TNRC18: variants seen among roughly 807,000 people sequenced by gnomAD.
The protein encoded by TNRC18 is trinucleotide repeat containing 18, also known as trinucleotide repeat-containing gene 18 protein.
TNRC18 carries 69 observed loss-of-function variants against 226.7 expected under a neutral mutation model. The ratio of observed to expected loss-of-function variants is 0.30; its 90% confidence interval spans 0.25 to 0.37. TNRC18 has a LOEUF of 0.37. Among genes scored for constraint, TNRC18 ranks in the 10% least tolerant of loss-of-function variants. The pLI is 1.00. For synonymous variants in TNRC18, 2,449 were observed against 1,927.6 expected, an observed-to-expected ratio of 1.27 and a Z score of -7.09; for missense variants, 4,754 against 4,256.6, an observed-to-expected ratio of 1.12 and a Z score of -3.25.
At position 5,312,418 on chromosome 7, in the gene TNRC18, G is replaced by A. The variant is rs1249787046; in HGVS notation, c.8388+85C>T. On this transcript the variant is annotated intron_variant, in intron 27 of 29. Coordinates refer to ENST00000430969, the MANE Select transcript of TNRC18 (RefSeq NM_001080495.3). The surrounding 1 kb of genome is among the most constrained non-coding windows in gnomAD (Gnocchi z 6.3). ...GGGGTTCTGGGAGGTTACCACACAC[G>A]GAGACACAGCATGAAGCCGTGGGCC... 7 of 1,519,974 alleles carry A rather than the reference G, an allele frequency of 4.6e-6. No individual in the cohort carries two copies. The East Asian group carries it at 7.1e-5, about 15-fold the overall frequency. 94.2% of individuals were successfully genotyped at this position (1,519,974 alleles called of 1,614,324 possible). A position where few individuals can be genotyped will look rare whatever the true frequency, so the allele number is the denominator to read the frequency against.
At position 5,321,336 on chromosome 7, in the gene TNRC18, G is replaced by A. The variant is rs181418545; in HGVS notation, c.6443-146C>T. The A allele has an allele frequency of 4.4e-3, 2,634 of 598,326 alleles. 14 individuals carry two copies. Among genetic ancestry groups the A allele is most frequent in the Non-Finnish European group, 4.8e-3 (1,600 of 332,824 alleles). 37.1% of individuals were successfully genotyped at this position (598,326 alleles called of 1,614,324 possible). The stretch of plus-strand genomic sequence containing the variant: ...GGGGCTGAGACGTGTGCACTTCTTC[G>A]TCTGCCTGTGTGTGTACCCGTGCAG... On this transcript the variant is annotated intron_variant, in intron 21 of 29. Coordinates refer to ENST00000430969, the MANE Select transcript of TNRC18 (RefSeq NM_001080495.3).
chr7:5,313,907 G>T (rs1260373859), intron 26 of TNRC18, 44 bp from the exon 27 acceptor site: 3 of 1,424,080 alleles, frequency 2.1e-6, no homozygotes, highest in Non-Finnish European at 2.7e-6. Context: ...GGGCTTCCTG[G>T]CAGAGATGAG....
Position 5,362,036 on chromosome 7 carries a change from G to T in TNRC18, c.4396-3C>A, listed in dbSNP as rs1230861269. ...AGGGAGGACTTCATGGCATACATCT[G>T]GGGGAAGAACCGGGAGAGGAGGAGG... On this transcript the variant is annotated splice_region_variant and splice_polypyrimidine_tract_variant and intron_variant, in intron 12 of 29. Transcript: ENST00000430969. 6.2e-7 allele frequency: 1 copy of T among 1,612,248 alleles called. No homozygotes were observed. The highest frequency in any genetic ancestry group is 8.5e-7 in the Non-Finnish European group (1 of 1,179,170).
intron 2 of TNRC18, among the ~76,000 whole-genome samples, chr7:5,408,416 G>A (rs1253463588): frequency 2.6e-5 from 4 of 152,198 alleles, no homozygotes; most frequent in Admixed American, 2.0e-4. Context: ...GGGAGCCCAC[G>A]GCGGGTAGAT....
intron 11 of TNRC18, among the ~76,000 whole-genome samples, chr7:5,365,415 C>A (rs997456424): frequency 6.6e-6 from 1 of 151,888 alleles, no homozygotes; most frequent in East Asian, 1.9e-4. Flanking sequence ...GTCCGGCCTC[C>A]TATCTTTTTG....
intron 24 of TNRC18, among the ~76,000 whole-genome samples, chr7:5,318,804 G>A (rs943061208): frequency 6.6e-6 from 1 of 152,128 alleles, no homozygotes; most frequent in Non-Finnish European, 1.5e-5. Flanking sequence ...TTTATACCCA[G>A]CTCAACTATC....
In TNRC18 at chr7:5,388,834, G is replaced by C; in HGVS notation, c.990C>G (p.Pro330=). ...RTETLLPGPR[P]CPSPLPPPPA... is the part of the protein sequence containing the mutation. The stretch of plus-strand genomic sequence containing the variant: ...GCGGCGGGGGCAGCGGTGAGGGGCA[G>C]GGGCGCGGCCCAGGGAGCAGGGTCT... The change falls in exon 5 of 30, where the codon CCC becomes CCG. Residue 330 remains proline (P), a synonymous_variant. Coordinates refer to ENST00000430969, the MANE Select transcript of TNRC18 (RefSeq NM_001080495.3). 4.2e-6 allele frequency: 5 copies of C among 1,204,190 alleles called. No individual in the cohort carries two copies. Among genetic ancestry groups the C allele is most frequent in the Non-Finnish European group, 5.2e-6 (5 of 968,216 alleles). 74.6% of individuals were successfully genotyped at this position (1,204,190 alleles called of 1,614,324 possible).
At position 5,306,974 on chromosome 7, in the gene TNRC18, G is replaced by C. The variant is rs1043653095; in HGVS notation, c.*1132C>G. ...GGTTGAGGCCTTGGTTTCCCTTGAA[G>C]GCTTGGGGCCTGGTTAAGTGCTTTC... On this transcript the variant is annotated 3_prime_UTR_variant, in exon 30 of 30. Transcript: ENST00000430969. 2 of 151,484 alleles carry C rather than the reference G, an allele frequency of 1.3e-5. No individual in the cohort carries two copies. The highest frequency in any genetic ancestry group is 4.8e-5 in the African/African-American group (2 of 41,328). 9.4% of individuals were successfully genotyped at this position (151,484 alleles called of 1,614,324 possible).
intron 2 of TNRC18, among the ~76,000 whole-genome samples, chr7:5,417,998 G>A (rs1433837744): frequency 1.3e-5 from 2 of 152,124 alleles, no homozygotes; most frequent in African/African-American, 2.4e-5. Flanking sequence ...AGCCTCCAGT[G>A]TTAGCCAAGC....
At chr7:5,323,916 T>C (rs1484709254) in intron 21 of TNRC18, among the ~76,000 whole-genome samples, 2 of 152,160 alleles carry the variant, frequency 1.3e-5, no homozygotes, top group Admixed American at 6.6e-5. Flanking sequence ...TCCCCACATC[T>C]AACCTCAGAA....
intron 10 of TNRC18, among the ~76,000 whole-genome samples, chr7:5,373,015 G>A (rs55910230): frequency 0.14 from 20,775 of 151,974 alleles, 1,779 homozygotes; most frequent in East Asian, 0.2. Context: ...AAAATTAGCC[G>A]GGCATGGTGG....
At chr7:5,363,990 C>T (rs1793351879) in intron 11 of TNRC18, among the ~76,000 whole-genome samples, 1 of 152,070 alleles carries the variant, frequency 6.6e-6, no homozygotes, top group East Asian at 1.9e-4. Context: ...ACGACATCCA[C>T]GGGCATCCTT....
chr7:5,373,850 G>A (rs1388841500), intron 10 of TNRC18, among the ~76,000 whole-genome samples: 1 of 152,138 alleles, frequency 6.6e-6, no homozygotes, highest in Non-Finnish European at 1.5e-5. Context: ...CCCTGACACT[G>A]CCGCTGAGGA....
At chr7:5,380,990 T>C (rs1779357521) in intron 5 of TNRC18, among the ~76,000 whole-genome samples, 1 of 152,134 alleles carries the variant, frequency 6.6e-6, no homozygotes, top group South Asian at 2.1e-4. Flanking sequence ...GGCAGGCACT[T>C]AGAGTGCAGC....
At chr7:5,351,190 G>C (rs937980768) in intron 17 of TNRC18, among the ~76,000 whole-genome samples, 9 of 152,040 alleles carry the variant, frequency 5.9e-5, no homozygotes, top group African/African-American at 1.9e-4. Context: ...TTCTGGGTGG[G>C]GAGGAGGGAG....
intron 18 of TNRC18, among the ~76,000 whole-genome samples, chr7:5,340,076 G>C (rs189029859): frequency 6.6e-6 from 1 of 152,068 alleles, no homozygotes; most frequent in Non-Finnish European, 1.5e-5. Flanking sequence ...ACTTTAAATC[G>C]AAAGCTAGAA....
intron 2 of TNRC18, among the ~76,000 whole-genome samples, chr7:5,401,538 C>G (rs1781091673): frequency 6.6e-6 from 1 of 152,200 alleles, no homozygotes; most frequent in Non-Finnish European, 1.5e-5. Context: ...CACCTGTTAT[C>G]ACAGGTGTTA....
intron 18 of TNRC18, among the ~76,000 whole-genome samples, chr7:5,333,287 C>A: frequency 6.6e-6 from 1 of 152,228 alleles, no homozygotes; most frequent in East Asian, 1.9e-4. Flanking sequence ...GCCCCTTGCC[C>A]CATGGGAAGA....
intron 16 of TNRC18, among the ~76,000 whole-genome samples, chr7:5,356,638 G>A (rs1451633525): frequency 1.3e-5 from 2 of 152,184 alleles, no homozygotes; most frequent in Non-Finnish European, 2.9e-5. Context: ...CAGGGCCGGC[G>A]GAGGTCGGCT....
Sources: allele counts gnomAD v4.1 joint callset (sites outside exome capture counted in the v4.1 genomes callset), GRCh38; gene constraint gnomAD v4.1.1; non-coding constraint Gnocchi (gnomAD v3.1); transcripts MANE v1.5; gene names NCBI Gene and HGNC (gene_info 2026-07-23, HGNC 2026-07-21).